Variants in SIGLEC1 observed in about 807,000 individuals in gnomAD.
The protein encoded by SIGLEC1 is sialic acid binding Ig like lectin 1.
SIGLEC1 carries 132 observed loss-of-function variants against 148.0 expected under a neutral mutation model. The observed-to-expected ratio is 0.89, with a 90% confidence interval of 0.77 to 1.03. SIGLEC1 has a LOEUF of 1.03. Among genes scored for constraint, SIGLEC1 ranks in the 50% least tolerant of loss-of-function variants. SIGLEC1 has a pLI of 0.00. For synonymous variants in SIGLEC1, 945 were observed against 969.0 expected (o/e 0.98, Z 0.46); for missense variants, 2,253 against 2,271.4 (o/e 0.99, Z 0.16).
rs776410795 is a variant in SIGLEC1, at chr20:3,693,645, TCAC to T, written c.3307_3309del (p.Val1103del). 6.2e-7 allele frequency: 1 copy of T among 1,609,594 alleles called. No homozygotes were observed. Among genetic ancestry groups the T allele is most frequent in the South Asian group, 1.1e-5 (1 of 90,394 alleles). On this transcript the variant is annotated inframe_deletion, in exon 14 of 22. Transcript: ENST00000344754. Reference sequence around the variant, plus strand: ...GTGGTCCACACAAGGCAGGTCAGGTTCACCAGCTGCCCCTCCCGCACGGTAGCC... The same window carrying T: ...GTGGTCCACACAAGGCAGGTCAGGTTCAGCTGCCCCTCCCGCACGGTAGCC...
chr20:3,690,504 G>A (rs769417914), intron 18 of SIGLEC1, among the ~76,000 whole-genome samples: 1 of 152,254 alleles, frequency 6.6e-6, no homozygotes, highest in Non-Finnish European at 1.5e-5. Flanking sequence ...AACAATGTGG[G>A]AAGCCCAGGC....
At position 3,689,948 on chromosome 20, in the gene SIGLEC1, C is replaced by T. The variant is rs201087617; in HGVS notation, c.4894+14G>A. 439 of 1,602,704 alleles carry T rather than the reference C, an allele frequency of 2.7e-4. 6 individuals carry two copies. In the East Asian group the frequency reaches 9.7e-3, roughly 35 times the overall value. Reference sequence around the variant, plus strand: ...GTGCAGAGTGGCCTGGGAGATGGAGCCCCCTCCCCTCACCTCTGACCCCAA... The same window carrying T: ...GTGCAGAGTGGCCTGGGAGATGGAGTCCCCTCCCCTCACCTCTGACCCCAA... On this transcript the variant is annotated intron_variant, in intron 19 of 21. Coordinates refer to ENST00000344754, the MANE Select transcript of SIGLEC1 (RefSeq NM_023068.4).
Position 3,697,919 on chromosome 20 carries a change from T to C in SIGLEC1, c.2001A>G (p.Lys667=). Residue 667 remains lysine, a synonymous_variant, in exon 9 of 22, where the codon AAA becomes AAG. Coordinates refer to ENST00000344754, the MANE Select transcript of SIGLEC1 (RefSeq NM_023068.4). ...GGCSPRMKVT[K]APNLLRVEIH... ...TCTCCACACGCAGCAAGTTGGGGGC[T>C]TTGGTGACCTTCATGCGTGGGGAAC... The C allele has an allele frequency of 6.2e-7, 1 of 1,613,018 alleles. No individual in the cohort carries two copies. Among genetic ancestry groups the C allele is most frequent in the Non-Finnish European group, 8.5e-7 (1 of 1,179,934 alleles).
intron 9 of SIGLEC1, 112 bp from the exon 10 acceptor site, chr20:3,697,454 T>C (rs1600284760): frequency 1.4e-6 from 2 of 1,389,910 alleles, no homozygotes; most frequent in Middle Eastern, 1.9e-4. Flanking sequence ...GCCCACAGGG[T>C]TGGGGAGAAA....
intron 15 of SIGLEC1, 44 bp from the exon 16 acceptor site, chr20:3,692,816 A>G (rs2088779092): frequency 1.2e-6 from 2 of 1,601,402 alleles, no homozygotes; most frequent in African/African-American, 1.3e-5. Flanking sequence ...GCCGGACACC[A>G]CAGTGGGCTT....
chr20:3,699,282 T>A lies in SIGLEC1; in HGVS notation c.1706A>T (p.Asp569Val), dbSNP rs2087830176. The A allele has an allele frequency of 1.2e-6, 2 of 1,609,130 alleles. No homozygotes were observed. The highest frequency in any genetic ancestry group is 1.7e-6 in the Non-Finnish European group (2 of 1,178,584). ...SLLLPAASST[D>V]AGSYHCRARD... ...GGCCCGGCAGTGGTATGAGCCGGCG[T>A]CAGTGCTGGAGGCCGCGGGGAGCAG... is the stretch of plus-strand genomic sequence containing the variant. Residue 569 changes from aspartate (D) to valine (V), a missense_variant, in exon 8 of 22, where the codon GAC becomes GTC. Asp to Val is a radical substitution (Grantham distance 152, BLOSUM62 -3). Coordinates refer to ENST00000344754, the MANE Select transcript of SIGLEC1 (RefSeq NM_023068.4).
chr20:3,692,797 C>T, intron 15 of SIGLEC1, 25 bp from the exon 16 acceptor site: 1 of 1,601,642 alleles, frequency 6.2e-7, no homozygotes, highest in Non-Finnish European at 8.5e-7. Context: ...CCAGGATCAG[C>T]CGGGCCCAGC....
At chr20:3,702,679 C>A (rs530277719) in intron 6 of SIGLEC1, among the ~76,000 whole-genome samples, 1 of 151,922 alleles carries the variant, frequency 6.6e-6, no homozygotes, top group African/African-American at 2.4e-5. Context: ...AGGAATTTAG[C>A]GGTAAAGAAG....
intron 12 of SIGLEC1, 46 bp from the exon 13 acceptor site, chr20:3,694,578 C>T: frequency 3.2e-6 from 5 of 1,557,112 alleles, no homozygotes; most frequent in Non-Finnish European, 4.3e-6. Flanking sequence ...GGGGGTCCCT[C>T]ATCCAGGGCT....
Position 3,694,900 on chromosome 20 carries a change from A to AT in SIGLEC1, c.2706dup (p.Ser903IlefsTer3), listed in dbSNP as rs1371430744. 6.2e-7 allele frequency: 1 copy of AT among 1,612,738 alleles called. No homozygotes were observed. Among genetic ancestry groups the AT allele is most frequent in the Non-Finnish European group, 8.5e-7 (1 of 1,179,814 alleles). ...GCCTGGCCCTCTTGGAGCTCAGGTGATGGTGACACCTGGACCCAGGCTCCT... is the reference window on the plus strand; with the variant it reads ...GCCTGGCCCTCTTGGAGCTCAGGTGATTGGTGACACCTGGACCCAGGCTCCT... On this transcript the variant is annotated frameshift_variant, in exon 12 of 22. Coordinates refer to ENST00000344754, the MANE Select transcript of SIGLEC1 (RefSeq NM_023068.4). LOFTEE classifies it high-confidence loss of function.
intron 1 of SIGLEC1, among the ~76,000 whole-genome samples, chr20:3,707,500 A>C (rs3810564): frequency 0.02 from 3,013 of 151,384 alleles, 101 homozygotes; most frequent in East Asian, 0.12. Context: ...CCTCTTCCCC[A>C]CTTCCCTGCC....
chr20:3,697,674 G>A lies in SIGLEC1; in HGVS notation c.2122+124C>T, dbSNP rs368138303. 1.1e-4 allele frequency: 90 copies of A among 838,308 alleles called. No individual in the cohort carries two copies. In the African/African-American group the frequency reaches 1.4e-3, roughly 13 times the overall value. 51.9% of individuals were successfully genotyped at this position (838,308 alleles called of 1,614,324 possible). On this transcript the variant is annotated intron_variant, in intron 9 of 21. Transcript: ENST00000344754. ...CAGCTCCGCTCTTCCTGAATGTGGA[G>A]GAGGGCAGCGAAGGGCCCCCACTGC...
chr20:3,694,834 C>T lies in SIGLEC1; in HGVS notation c.2773G>A (p.Gly925Arg). Reference protein sequence around the residue: ...SCQVHTGVPEGTSYRWYRDGQ... With the variant: ...SCQVHTGVPERTSYRWYRDGQ... ...TCCCGATACCAACGATATGAGGTCCCCTCTGGGACTCCTGTGTGTACCTGG... is the reference window on the plus strand; with the variant it reads ...TCCCGATACCAACGATATGAGGTCCTCTCTGGGACTCCTGTGTGTACCTGG... The change falls in exon 12 of 22, where the codon GGG becomes AGG. Residue 925 changes from glycine to arginine, a missense_variant. Transcript: ENST00000344754. 4 of 1,613,504 alleles carry T rather than the reference C, an allele frequency of 2.5e-6. No homozygotes were observed. The highest frequency in any genetic ancestry group is 2.7e-5 in the African/African-American group (2 of 75,036).
chr20:3,703,533 A>G, intron 5 of SIGLEC1, 82 bp from the exon 6 acceptor site: 2 of 1,489,884 alleles, frequency 1.3e-6, no homozygotes, highest in Non-Finnish European at 1.8e-6. Context: ...GTCTCAGCCA[A>G]TCAGCCTCAA....
rs1025829227 is a variant in SIGLEC1, at chr20:3,710,717, A to G, written c.-110+1753T>C. ...CCCATTTGGGGTCCTGAAAAGGGCA[A>G]TCGTGAACCTGATGGAAGAATGGTG... On this transcript the variant is annotated intron_variant, in intron 1 of 21. Transcript: ENST00000344754. This position sits in a 1 kb window ranked among gnomAD's most constrained non-coding sequence, Gnocchi z 4.6. Among the ~76,000 whole-genome samples the G allele has an allele frequency of 6.6e-6, 1 of 152,208 alleles. No individual in the cohort carries two copies. Among genetic ancestry groups the G allele is most frequent in the Non-Finnish European group, 1.5e-5 (1 of 68,030 alleles).
chr20:3,696,792 A>C lies in SIGLEC1; in HGVS notation c.2477T>G (p.Leu826Trp), dbSNP rs1301650101. The C allele has an allele frequency of 6.2e-7, 1 of 1,612,560 alleles. No homozygotes were observed. The highest frequency in any genetic ancestry group is 8.5e-7 in the Non-Finnish European group (1 of 1,179,650). Residue 826 changes from leucine to tryptophan, a missense_variant, in exon 11 of 22, where the codon TTG becomes TGG. By Grantham distance (61) the Leu-to-Trp change is moderately conservative (BLOSUM62 -2). Coordinates refer to ENST00000344754, the MANE Select transcript of SIGLEC1 (RefSeq NM_023068.4). ...GTGCTCCCCATGGAACAAGGCCAGC[A>C]AGGCCAGGGGGCGGCTGTCCACAGT... The part of the protein sequence containing the change: ...ICTVDSRPLA[L>W]LALFHGEHLL...
rs781187661 is a variant in SIGLEC1, at chr20:3,698,140, G to C, written c.1787-7C>G. 8 of 1,576,876 alleles carry C rather than the reference G, an allele frequency of 5.1e-6. No homozygotes were observed. Among genetic ancestry groups the C allele is most frequent in the Non-Finnish European group, 6.9e-6 (8 of 1,165,314 alleles). On this transcript the variant is annotated splice_region_variant and splice_polypyrimidine_tract_variant and intron_variant, in intron 8 of 21. Coordinates refer to ENST00000344754, the MANE Select transcript of SIGLEC1 (RefSeq NM_023068.4). ...GTTGGTTGTCGAGGGGGGTCTGCAG[G>C]GAGGAAGAACATGGGCACTCATCCC...
chr20:3,692,562 T>A lies in SIGLEC1; in HGVS notation c.3989A>T (p.Gln1330Leu). ...AGCAGGACGGGAGCTGCGGGTGCCC[T>A]GGGCATCCTGGGCCTGGCAAGAGTA... ...GAYSCQAQDA[Q>L]GTRSSRPAAL... Residue 1330 changes from glutamine to leucine, a missense_variant, in exon 16 of 22, where the codon CAG becomes CTG. By Grantham distance (113) the Gln-to-Leu change is moderately radical. Transcript: ENST00000344754. 1 of 1,608,706 alleles carries A rather than the reference T, an allele frequency of 6.2e-7. No homozygotes were observed. The highest frequency in any genetic ancestry group is 8.5e-7 in the Non-Finnish European group (1 of 1,179,406).
rs1432253658 is a variant in SIGLEC1 at position 3,703,838 on chromosome 20, G to T, written c.960C>A (p.Ser320Arg). The T allele has an allele frequency of 6.2e-7, 1 of 1,614,008 alleles. No homozygotes were observed. The highest frequency in any genetic ancestry group is 8.5e-7 in the Non-Finnish European group (1 of 1,180,028). Residue 320 changes from serine (S) to arginine (R), a missense_variant, in exon 5 of 22, where the codon AGC becomes AGA. By Grantham distance (110) the Ser-to-Arg change is moderately radical. Coordinates refer to ENST00000344754, the MANE Select transcript of SIGLEC1 (RefSeq NM_023068.4). Reference sequence around the variant, plus strand: ...CCAAGAACTCACTGAAGATGTGGAGGCTGATGGGGGGTGAGACCAAAGAGC... The same window carrying T: ...CCAAGAACTCACTGAAGATGTGGAGTCTGATGGGGGGTGAGACCAAAGAGC... Reference protein sequence around the residue: ...GVGSLVSPPISLHIFMAEVQV... With the variant: ...GVGSLVSPPIRLHIFMAEVQV...
Sources: gnomAD v4.1 joint callset for allele counts (sites outside exome capture counted in the v4.1 genomes callset) on GRCh38, gnomAD v4.1.1 for gene constraint, Gnocchi (gnomAD v3.1) non-coding constraint, MANE v1.5 for transcripts, NCBI Gene and HGNC (gene_info 2026-07-23, HGNC 2026-07-21) for gene names.